The following GALNT13 variants were observed in gnomAD, a reference collection of about 807,000 sequenced individuals.
GALNT13 encodes polypeptide N-acetylgalactosaminyltransferase 13.
GALNT13 carries 28 observed loss-of-function variants against 64.2 expected under a neutral mutation model. That is an observed-to-expected ratio of 0.44 (90% CI 0.32 to 0.60). The LOEUF (loss-of-function observed/expected upper bound fraction) is 0.60, where lower values mean the gene tolerates loss of function less well. GALNT13 is among the 20% of genes least tolerant of loss of function. The pLI is 0.05. For missense variants in GALNT13, 577 were observed against 669.8 expected (o/e 0.86, Z 1.53); for synonymous variants, 214 against 224.6 (o/e 0.95, Z 0.42).
the GALNT13 span, among the ~76,000 whole-genome samples, chr2:153,220,546 C>T: frequency 6.6e-6 from 1 of 152,284 alleles, no homozygotes; most frequent in Non-Finnish European, 1.5e-5. Flanking sequence ...GGTGGCTTAC[C>T]CTAAGGGAAG....
the GALNT13 span, among the ~76,000 whole-genome samples, chr2:153,349,279 C>T: frequency 2.0e-5 from 3 of 152,110 alleles, no homozygotes; most frequent in Non-Finnish European, 4.4e-5. Context: ...AATAAAGATG[C>T]CTCCAATTAG....
chr2:153,776,025 G>A, the GALNT13 span, among the ~76,000 whole-genome samples: 2 of 152,110 alleles, frequency 1.3e-5, no homozygotes, highest in East Asian at 3.9e-4. Context: ...GCAAATCCGA[G>A]TGAATCAATA....
At chr2:153,236,474 G>T in the GALNT13 span, among the ~76,000 whole-genome samples, 6,661 of 152,118 alleles carry the variant, frequency 0.044, 486 homozygotes, top group African/African-American at 0.15. Context: ...TAATGCAGCT[G>T]GTGACTATAA....
chr2:153,490,542 G>T, the GALNT13 span, among the ~76,000 whole-genome samples: 6 of 152,012 alleles, frequency 3.9e-5, no homozygotes, highest in Non-Finnish European at 8.8e-5. Flanking sequence ...GCCACTCCTG[G>T]CTAATTTTTG....
the GALNT13 span, among the ~76,000 whole-genome samples, chr2:153,778,387 C>T: frequency 6.6e-6 from 1 of 152,190 alleles, no homozygotes; most frequent in East Asian, 1.9e-4. Flanking sequence ...GGGTGGAGCC[C>T]TAGTCAGGGA....
chr2:153,650,250 G>T, the GALNT13 span, among the ~76,000 whole-genome samples: 1 of 151,952 alleles, frequency 6.6e-6, no homozygotes, highest in Non-Finnish European at 1.5e-5. Context: ...ATCTTTGTTG[G>T]TTTAAAGTCT....
intron 3 of GALNT13, among the ~76,000 whole-genome samples, chr2:153,972,262 A>G (rs1693790547): frequency 6.6e-6 from 1 of 152,002 alleles, no homozygotes; most frequent in African/African-American, 2.4e-5. Flanking sequence ...ACTAATAACA[A>G]TTTTTCAAAT....
the GALNT13 span, among the ~76,000 whole-genome samples, chr2:153,733,921 TTG>T: frequency 1.3e-5 from 2 of 152,140 alleles, no homozygotes; most frequent in African/African-American, 2.4e-5. Flanking sequence ...TTCTTTCAGA[TTG>T]CTGAATTCGT....
chr2:153,986,273 C>A lies in GALNT13; in HGVS notation c.142+41634C>A, dbSNP rs983711479. ...GCAACACTTTCTTTTAAAATTTTGACTTCTAAATCAGAGGAAAAATGTGTC... is the reference window on the plus strand; with the variant it reads ...GCAACACTTTCTTTTAAAATTTTGAATTCTAAATCAGAGGAAAAATGTGTC... On this transcript the variant is annotated intron_variant, in intron 3 of 12. Coordinates refer to ENST00000392825, the MANE Select transcript of GALNT13 (RefSeq NM_052917.4). Among the ~76,000 whole-genome samples, 3 of 152,056 alleles carry A rather than the reference C, an allele frequency of 2.0e-5. No individual in the cohort carries two copies. In the East Asian group the frequency reaches 5.8e-4, roughly 29 times the overall value.
At chr2:154,303,035 T>C (rs982366505) in intron 9 of GALNT13, among the ~76,000 whole-genome samples, 7 of 152,118 alleles carry the variant, frequency 4.6e-5, no homozygotes, top group Non-Finnish European at 7.4e-5. Flanking sequence ...TTATCTGTCA[T>C]ATGTTTTTAT....
chr2:154,259,189 A>G (rs776162728), intron 8 of GALNT13, 51 bp downstream of exon 8: 1 of 976,504 alleles, frequency 1.0e-6, no homozygotes, highest in Non-Finnish European at 1.6e-6. Flanking sequence ...ATGCTGTAGC[A>G]TGCACATACC....
At chr2:154,138,493 T>C (rs1443905549) in intron 3 of GALNT13, among the ~76,000 whole-genome samples, 2 of 151,662 alleles carry the variant, frequency 1.3e-5, no homozygotes, top group African/African-American at 4.8e-5. Context: ...ATTTTCAAAA[T>C]GTTAAGAATC....
At chr2:153,772,067 G>C in the GALNT13 span, among the ~76,000 whole-genome samples, 1 of 152,178 alleles carries the variant, frequency 6.6e-6, no homozygotes, top group East Asian at 1.9e-4. Context: ...CTGCAGTCTT[G>C]TGACTGGAGA....
chr2:153,525,713 G>A, the GALNT13 span, among the ~76,000 whole-genome samples: 12 of 152,084 alleles, frequency 7.9e-5, no homozygotes, highest in East Asian at 1.6e-3. Flanking sequence ...CAAAAAGGCT[G>A]GGGACCACTG....
At chr2:153,939,155 T>C (rs558204241) in intron 2 of GALNT13, among the ~76,000 whole-genome samples, 2 of 152,162 alleles carry the variant, frequency 1.3e-5, no homozygotes, top group East Asian at 3.9e-4. Flanking sequence ...GTGTGTGCTG[T>C]TTTATATAGG....
At chr2:153,486,130 G>T in the GALNT13 span, among the ~76,000 whole-genome samples, 602 of 152,120 alleles carry the variant, frequency 4.0e-3, 2 homozygotes, top group Non-Finnish European at 6.5e-3. Flanking sequence ...TAAAGACAGG[G>T]TCTCACCATG....
chr2:153,692,244 G>A, the GALNT13 span, among the ~76,000 whole-genome samples: 1 of 152,084 alleles, frequency 6.6e-6, no homozygotes, highest in African/African-American at 2.4e-5. Context: ...ATCGTAAAGG[G>A]GGTTTCTGAG....
the GALNT13 span, among the ~76,000 whole-genome samples, chr2:153,842,553 C>A: frequency 6.6e-6 from 1 of 152,112 alleles, no homozygotes; most frequent in Non-Finnish European, 1.5e-5. Flanking sequence ...TGAAGGTCAT[C>A]TATTTCTACA....
chr2:153,588,694 C>T, the GALNT13 span, among the ~76,000 whole-genome samples: 1 of 152,204 alleles, frequency 6.6e-6, no homozygotes, highest in African/African-American at 2.4e-5. Flanking sequence ...ACATTTGGCT[C>T]CTTGTTGCTT....
Sources: allele counts gnomAD v4.1 joint callset (sites outside exome capture counted in the v4.1 genomes callset), GRCh38; gene constraint gnomAD v4.1.1; transcripts MANE v1.5; gene names NCBI Gene and HGNC (gene_info 2026-07-23, HGNC 2026-07-21).